The following ASXL1 variants were observed in gnomAD, a reference collection of about 807,000 sequenced individuals.
The protein encoded by ASXL1 is ASXL transcriptional regulator 1.
ASXL1 carries 65 observed loss-of-function variants against 89.1 expected under a neutral mutation model. That is an observed-to-expected ratio of 0.73 (90% CI 0.60 to 0.90). The LOEUF (loss-of-function observed/expected upper bound fraction) is 0.90, where lower values mean the gene tolerates loss of function less well. Ranked by LOEUF, ASXL1 falls within the 40% of genes least tolerant of loss-of-function variation. The pLI, the probability that ASXL1 is intolerant of heterozygous loss-of-function variation, is 0.00. For missense variants in ASXL1, 1,786 were observed against 1,942.9 expected (o/e 0.92, Z 1.52); for synonymous variants, 739 against 746.9 (o/e 0.99, Z 0.17).
chr20:32,403,622 C>T (rs1386694922), intron 4 of ASXL1, among the ~76,000 whole-genome samples: 1 of 152,028 alleles, frequency 6.6e-6, no homozygotes, highest in Non-Finnish European at 1.5e-5. Context: ...ACCCTGTTGC[C>T]CATGTTGGTC....
At chr20:32,366,647 A>G in intron 2 of ASXL1, 181 bp downstream of exon 2, 2 of 856,134 alleles carry the variant, frequency 2.3e-6, no homozygotes, top group Non-Finnish European at 1.4e-6. Flanking sequence ...GTGGGTGAAC[A>G]TCCATTTGTT....
rs2011434173 is a variant in ASXL1, at chr20:32,429,041, T to G, written c.472-297T>G. The G allele has an allele frequency of 1.7e-5, 7 of 414,268 alleles. No individual in the cohort carries two copies. The highest frequency in any genetic ancestry group is 4.2e-5 in the South Asian group (2 of 47,804). The allele number at this position is 414,268 out of a possible 1,614,324, so 25.7% of individuals were successfully genotyped here. On this transcript the variant is annotated intron_variant, in intron 6 of 12. Coordinates refer to ENST00000375687, the MANE Select transcript of ASXL1 (RefSeq NM_015338.6). The surrounding 1 kb of genome is among the most constrained non-coding windows in gnomAD (Gnocchi z 4.9). ...GTGCAGAGTAGAGAGAACAGGAGAT[T>G]GGGAGTGAGCAGTTTGAATGATAAC...
In ASXL1 at chr20:32,436,839, G is replaced by A. The variant is rs759156029; in HGVS notation, c.4127G>A (p.Gly1376Asp). The A allele has an allele frequency of 9.9e-6, 16 of 1,614,056 alleles. No homozygotes were observed. The highest frequency in any genetic ancestry group is 2.2e-5 in the East Asian group (1 of 44,902). Residue 1376 changes from glycine to aspartate, a missense_variant, in exon 13 of 13, where the codon GGT (glycine) becomes GAT (aspartate). Around this residue, in one of 3 missense-constraint regions of ASXL1, gnomAD observed 1,418 missense variants for 1,427.8 expected, o/e 0.99. Coordinates refer to ENST00000375687, the MANE Select transcript of ASXL1 (RefSeq NM_015338.6). ...AAGAATGAGAAGACTTTTGTGGGGG[G>A]TCCTCTTAAGGCAAATGCCGAGAAC... ...SVKNEKTFVG[G>D]PLKANAENRK...
Position 32,435,330 on chromosome 20 carries a change from C to G in ASXL1, c.2618C>G (p.Pro873Arg). Residue 873 changes from proline (P) to arginine (R), a missense_variant, in exon 13 of 13, where the codon CCT becomes CGT. By Grantham distance (103) the Pro-to-Arg change is moderately radical. Transcript: ENST00000375687. ...DDELGLGGSC[P>R]PMRESDTRQE... ...GAATTAGGGCTTGGTGGCTCATGCCCTCCTATGAGGGAAAGTGATACTAGA... is the reference window on the plus strand; with the variant it reads ...GAATTAGGGCTTGGTGGCTCATGCCGTCCTATGAGGGAAAGTGATACTAGA... 6.2e-7 allele frequency: 1 copy of G among 1,614,182 alleles called. No homozygotes were observed. Among genetic ancestry groups the G allele is most frequent in the Non-Finnish European group, 8.5e-7 (1 of 1,180,046 alleles).
intron 9 of ASXL1, 47 bp from the exon 10 acceptor site, chr20:32,431,536 C>G (rs2011513037): frequency 6.2e-7 from 1 of 1,613,952 alleles, no homozygotes; most frequent in Admixed American, 1.7e-5. Flanking sequence ...CTTCTGTTCT[C>G]TTTTAAGTTT....
chr20:32,436,600 T>C lies in ASXL1; in HGVS notation c.3888T>C (p.Asn1296=), dbSNP rs753093028. 2 of 1,614,146 alleles carry C rather than the reference T, an allele frequency of 1.2e-6. No homozygotes were observed. Among genetic ancestry groups the C allele is most frequent in the Middle Eastern group, 1.6e-4 (1 of 6,062 alleles). Residue 1296 remains asparagine (N), a synonymous_variant, in exon 13 of 13, where the codon AAT becomes AAC. Transcript: ENST00000375687. ...QTGRALGDQS[N]VTGQGKKLFG... is the part of the protein sequence containing the mutation. ...GTCGGGCCCTGGGTGATCAGAGCAATGTTACAGGCCAAGGGAAGAAGCTTT... is the reference window on the plus strand; with the variant it reads ...GTCGGGCCCTGGGTGATCAGAGCAACGTTACAGGCCAAGGGAAGAAGCTTT...
intron 4 of ASXL1, among the ~76,000 whole-genome samples, chr20:32,396,212 T>A (rs1454254254): frequency 2.0e-5 from 3 of 152,166 alleles, no homozygotes; most frequent in Admixed American, 2.0e-4. Flanking sequence ...CATCTTTGGG[T>A]CTGTTTTTAT....
At chr20:32,408,976 TTAA>T (rs2049001438) in intron 4 of ASXL1, among the ~76,000 whole-genome samples, 1 of 152,046 alleles carries the variant, frequency 6.6e-6, no homozygotes, top group Non-Finnish European at 1.5e-5. Flanking sequence ...ATTTTTTAAA[TTAA>T]TTTATTTTTT....
At position 32,436,986 on chromosome 20, in the gene ASXL1, T is replaced by A. The variant is rs1280568526; in HGVS notation, c.4274T>A (p.Leu1425Gln). The A allele has an allele frequency of 6.2e-7, 1 of 1,614,120 alleles. No individual in the cohort carries two copies. Among genetic ancestry groups the A allele is most frequent in the South Asian group, 1.1e-5 (1 of 91,066 alleles). Residue 1425 changes from leucine to glutamine, a missense_variant, in exon 13 of 13, where the codon CTG becomes CAG. Around this residue, in one of 3 missense-constraint regions of ASXL1, gnomAD observed 1,418 missense variants for 1,427.8 expected, o/e 0.99. Transcript: ENST00000375687. ...REPGKGLSEPLEPSSLPSQLS... is the reference protein window; with the variant it reads ...REPGKGLSEPQEPSSLPSQLS... Reference sequence around the variant, plus strand: ...CCAGGGAAGGGGCTCAGTGAGCCTCTGGAGCCTTCTTCTCTCCCCTCCCAA... The same window carrying A: ...CCAGGGAAGGGGCTCAGTGAGCCTCAGGAGCCTTCTTCTCTCCCCTCCCAA...
intron 8 of ASXL1, chr20:32,430,820 T>G (rs1390548278): frequency 2.9e-6 from 1 of 339,164 alleles, no homozygotes; most frequent in East Asian, 4.8e-5. Flanking sequence ...TAACATTTGC[T>G]GAGGCTTCTG....
At chr20:32,370,985 A>G (rs2048292377) in intron 4 of ASXL1, among the ~76,000 whole-genome samples, 1 of 150,656 alleles carries the variant, frequency 6.6e-6, no homozygotes, top group Non-Finnish European at 1.5e-5. Context: ...AAAAAAAAAA[A>G]AAAGCCTTGC....
chr20:32,395,381 T>A (rs1229588308), intron 4 of ASXL1, among the ~76,000 whole-genome samples: 1 of 152,238 alleles, frequency 6.6e-6, no homozygotes, highest in Non-Finnish European at 1.5e-5. Flanking sequence ...GTTATTTTAA[T>A]CTTTGTTCTT....
In ASXL1 at chr20:32,419,348, G is replaced by A. The variant is rs895189393; in HGVS notation, c.253-8780G>A. Reference sequence around the variant, plus strand: ...CTCCCGAGTAGCTGAGACTACAGGTGCGCGTCACCATGTGCAGCTAATTTT... The same window carrying A: ...CTCCCGAGTAGCTGAGACTACAGGTACGCGTCACCATGTGCAGCTAATTTT... On this transcript the variant is annotated intron_variant, in intron 4 of 12. Transcript: ENST00000375687. Among the ~76,000 whole-genome samples the A allele has an allele frequency of 2.6e-5, 4 of 152,104 alleles. No homozygotes were observed. The East Asian group carries it at 7.8e-4, about 29-fold the overall frequency.
chr20:32,387,491 A>G (rs1309739018), intron 4 of ASXL1, among the ~76,000 whole-genome samples: 1 of 152,148 alleles, frequency 6.6e-6, no homozygotes, highest in Non-Finnish European at 1.5e-5. Flanking sequence ...CTTGTCTCTT[A>G]CAGAAGTGGG....
At chr20:32,433,991 A>T in intron 12 of ASXL1, 74 bp downstream of exon 12, 1 of 1,579,528 alleles carries the variant, frequency 6.3e-7, no homozygotes, top group Non-Finnish European at 8.7e-7. Flanking sequence ...TAGAGCCCTT[A>T]ACTCTGGGGC....
chr20:32,365,255 G>C (rs1399970199), intron 1 of ASXL1, among the ~76,000 whole-genome samples: 1 of 152,214 alleles, frequency 6.6e-6, no homozygotes, highest in African/African-American at 2.4e-5. Flanking sequence ...CTGAAACTGA[G>C]ATGATAATGT....
intron 4 of ASXL1, chr20:32,372,011 T>C (rs1174549429): frequency 7.7e-6 from 7 of 910,954 alleles, no homozygotes; most frequent in Middle Eastern, 2.7e-4. Flanking sequence ...TATTCTGTTT[T>C]TAAAAGGAAG....
At chr20:32,401,522 A>G (rs562733317) in intron 4 of ASXL1, among the ~76,000 whole-genome samples, 11 of 126,746 alleles carry the variant, frequency 8.7e-5, no homozygotes, top group Admixed American at 3.4e-4. Context: ...TGAACCATAT[A>G]TGTGTGTGTG....
At chr20:32,391,023 G>A (rs1042243896) in intron 4 of ASXL1, among the ~76,000 whole-genome samples, 2 of 151,984 alleles carry the variant, frequency 1.3e-5, no homozygotes, top group Non-Finnish European at 2.9e-5. Flanking sequence ...GAGTAGCTGG[G>A]ACTGCAGGCG....
Sources: gnomAD v4.1 joint callset for allele counts (sites outside exome capture counted in the v4.1 genomes callset) on GRCh38, gnomAD v4.1.1 for gene constraint, gnomAD v4.1.1 regional missense constraint, Gnocchi (gnomAD v3.1) non-coding constraint, MANE v1.5 for transcripts, NCBI Gene and HGNC (gene_info 2026-07-23, HGNC 2026-07-21) for gene names.